Variants in LRRN3 observed in about 807,000 individuals in gnomAD.
The protein encoded by LRRN3 is leucine rich repeat neuronal 3.
In LRRN3, 15 loss-of-function variants were observed where a neutral mutation model predicts 40.1. The ratio of observed to expected loss-of-function variants is 0.37; its 90% CI spans 0.25 to 0.58. The LOEUF is 0.58. LRRN3 is among the 20% of genes least tolerant of loss of function. LRRN3 has a pLI of 0.72. For synonymous variants in LRRN3, 308 were observed against 297.2 expected (o/e 1.04, Z -0.37); for missense variants, 746 against 837.7 (o/e 0.89, Z 1.35).
intron 2 of LRRN3, among the ~76,000 whole-genome samples, chr7:111,110,508 G>A (rs1799077386): frequency 1.3e-5 from 2 of 152,134 alleles, no homozygotes; most frequent in South Asian, 2.1e-4. Flanking sequence ...CAGAAATCAT[G>A]AAAAAGTTTT....
chr7:111,116,069 T>C (rs1016111127), intron 2 of LRRN3, among the ~76,000 whole-genome samples: 1 of 152,192 alleles, frequency 6.6e-6, no homozygotes, highest in African/African-American at 2.4e-5. Flanking sequence ...CAAGATTCTC[T>C]CAAATCTGCC....
chr7:111,120,387 T>A (rs562044617), intron 2 of LRRN3, among the ~76,000 whole-genome samples: 6 of 152,078 alleles, frequency 3.9e-5, no homozygotes, highest in African/African-American at 1.4e-4. Context: ...GCAAAAGACA[T>A]TTCCCCTATA....
In LRRN3 at chr7:111,124,128, T is replaced by C; in HGVS notation, c.1356T>C (p.Pro452=). Residue 452 remains proline, a synonymous_variant, in exon 3 of 3, where the codon CCT becomes CCC. Coordinates refer to ENST00000308478, the MANE Select transcript of LRRN3 (RefSeq NM_001099658.2). ...GTAGAGCTACTGCAGAACCACAGCCTGAAATCTACTGGATAACACCTTCTG... is the reference window on the plus strand; with the variant it reads ...GTAGAGCTACTGCAGAACCACAGCCCGAAATCTACTGGATAACACCTTCTG... ...FHCRATAEPQ[P]EIYWITPSGQ... 1 of 1,614,036 alleles carries C rather than the reference T, an allele frequency of 6.2e-7. No homozygotes were observed. Among genetic ancestry groups the C allele is most frequent in the Non-Finnish European group, 8.5e-7 (1 of 1,179,990 alleles).
At chr7:111,103,043 T>C (rs1339894914) in intron 2 of LRRN3, among the ~76,000 whole-genome samples, 1 of 151,610 alleles carries the variant, frequency 6.6e-6, no homozygotes, top group South Asian at 2.1e-4. Flanking sequence ...CCATTGATCA[T>C]AGTGACTTCA....
In LRRN3 at chr7:111,103,734, A is replaced by G. The variant is rs900574163; in HGVS notation, c.-359+3772A>G. Reference sequence around the variant, plus strand: ...ACCACTCTGTATGTGTCGGGTGCAGAAGAACTTTTTTATACTATGAACTTT... The same window carrying G: ...ACCACTCTGTATGTGTCGGGTGCAGGAGAACTTTTTTATACTATGAACTTT... On this transcript the variant is annotated intron_variant, in intron 2 of 2. Transcript: ENST00000308478. 2.6e-5 allele frequency among the ~76,000 whole-genome samples: 4 copies of G among 151,770 alleles called. No homozygotes were observed. In the South Asian group the frequency reaches 8.3e-4, roughly 31 times the overall value.
intron 2 of LRRN3, among the ~76,000 whole-genome samples, chr7:111,111,192 T>C (rs1799148968): frequency 6.6e-6 from 1 of 152,006 alleles, no homozygotes; most frequent in Non-Finnish European, 1.5e-5. Flanking sequence ...AAGAACTCTT[T>C]TTCTCCATTA....
chr7:111,112,888 CTT>C, intron 2 of LRRN3, among the ~76,000 whole-genome samples: 1 of 152,254 alleles, frequency 6.6e-6, no homozygotes, highest in East Asian at 1.9e-4. Flanking sequence ...AATTTAGTCT[CTT>C]GTTTATTGCA....
At chr7:111,112,933 A>C (rs1799414368) in intron 2 of LRRN3, among the ~76,000 whole-genome samples, 1 of 152,126 alleles carries the variant, frequency 6.6e-6, no homozygotes, top group Non-Finnish European at 1.5e-5. Context: ...GAAGGAGCTA[A>C]TTTTATTTCC....
intron 2 of LRRN3, among the ~76,000 whole-genome samples, chr7:111,115,225 T>C (rs190762396): frequency 4.6e-5 from 7 of 152,308 alleles, no homozygotes; most frequent in East Asian, 1.9e-4. Flanking sequence ...TTATGACATA[T>C]TGTAAATTAG....
At chr7:111,116,265 A>G (rs934960166) in intron 2 of LRRN3, among the ~76,000 whole-genome samples, 4 of 152,208 alleles carry the variant, frequency 2.6e-5, no homozygotes, top group African/African-American at 9.6e-5. Context: ...GGGTAAAAAT[A>G]AAAGTTCTTA....
chr7:111,114,738 CAAA>C (rs567078227), intron 2 of LRRN3, among the ~76,000 whole-genome samples: 3 of 62,588 alleles, frequency 4.8e-5, no homozygotes, highest in Admixed American at 3.7e-4. Context: ...GACTCCATCT[CAAA>C]AAAAAAAAAA....
At chr7:111,109,693 T>A (rs1798965193) in intron 2 of LRRN3, among the ~76,000 whole-genome samples, 1 of 152,132 alleles carries the variant, frequency 6.6e-6, no homozygotes, top group Non-Finnish European at 1.5e-5. Flanking sequence ...CTGACAGGAT[T>A]ATTAGGGGAA....
At chr7:111,103,807 A>G (rs2129580788) in intron 2 of LRRN3, among the ~76,000 whole-genome samples, 1 of 151,752 alleles carries the variant, frequency 6.6e-6, no homozygotes, top group Non-Finnish European at 1.5e-5. Flanking sequence ...TCAAGTAGGT[A>G]CCATTATCAC....
In LRRN3 at chr7:111,124,325, C is replaced by G; in HGVS notation, c.1553C>G (p.Pro518Arg). The change falls in exon 3 of 3, where the codon CCA becomes CGA. Residue 518 changes from proline to arginine, a missense_variant. Coordinates refer to ENST00000308478, the MANE Select transcript of LRRN3 (RefSeq NM_001099658.2). Reference sequence around the variant, plus strand: ...ATGATCAAAGTGGATGGATCTTTTCCACAAGATAACAATGGCTCTTTGAAT... The same window carrying G: ...ATGATCAAAGTGGATGGATCTTTTCGACAAGATAACAATGGCTCTTTGAAT... ...SVMIKVDGSF[P>R]QDNNGSLNIK... 1 of 1,613,602 alleles carries G rather than the reference C, an allele frequency of 6.2e-7. No homozygotes were observed. The highest frequency in any genetic ancestry group is 8.5e-7 in the Non-Finnish European group (1 of 1,179,860).
intron 2 of LRRN3, among the ~76,000 whole-genome samples, chr7:111,103,218 T>C (rs964672354): frequency 4.0e-5 from 6 of 151,626 alleles, no homozygotes; most frequent in Non-Finnish European, 5.9e-5. Flanking sequence ...AAAACCTGTA[T>C]TAGCATTTCT....
At position 111,122,732 on chromosome 7, in the gene LRRN3, A is replaced by C; in HGVS notation, c.-41A>C. ...TGAACTTACTAGCACTGACTGTGGAATCCTTAAGGGCCCATTACATTTCTG... is the reference window on the plus strand; with the variant it reads ...TGAACTTACTAGCACTGACTGTGGACTCCTTAAGGGCCCATTACATTTCTG... On this transcript the variant is annotated 5_prime_UTR_variant, in exon 3 of 3. Coordinates refer to ENST00000308478, the MANE Select transcript of LRRN3 (RefSeq NM_001099658.2). 3 of 1,482,544 alleles carry C rather than the reference A, an allele frequency of 2.0e-6. No homozygotes were observed. The highest frequency in any genetic ancestry group is 1.2e-5 in the South Asian group (1 of 80,776). The allele number at this position is 1,482,544 out of a possible 1,614,324, so 91.8% of individuals were successfully genotyped here.
At chr7:111,114,672 G>A (rs1280437037) in intron 2 of LRRN3, among the ~76,000 whole-genome samples, 2 of 150,882 alleles carry the variant, frequency 1.3e-5, no homozygotes, top group Non-Finnish European at 1.5e-5. Flanking sequence ...GGAGGTGGAG[G>A]GTGCAGTGAG....
chr7:111,123,553 A>T lies in LRRN3; in HGVS notation c.781A>T (p.Asn261Tyr). The T allele has an allele frequency of 6.2e-7, 1 of 1,613,830 alleles. No individual in the cohort carries two copies. The highest frequency in any genetic ancestry group is 8.5e-7 in the Non-Finnish European group (1 of 1,179,898). The change falls in exon 3 of 3, where the codon AAT (asparagine) becomes TAT (tyrosine). Residue 261 changes from asparagine (N) to tyrosine (Y), a missense_variant. Transcript: ENST00000308478. This position sits in a 1 kb window ranked among gnomAD's most constrained non-coding sequence, Gnocchi z 6.4. The stretch of plus-strand genomic sequence containing the variant: ...CCATGTTGCTCTTCAAAAAGTTGTA[A>T]ATCTCAAATTTTTGGATCTAAATAA... ...VPHVALQKVV[N>Y]LKFLDLNKNP...
intron 2 of LRRN3, among the ~76,000 whole-genome samples, chr7:111,121,445 A>G (rs889835271): frequency 1.3e-5 from 2 of 152,222 alleles, no homozygotes; most frequent in African/African-American, 4.8e-5. Flanking sequence ...TTCTCAAAAG[A>G]AGACATTTAT....
Sources: allele counts gnomAD v4.1 joint callset (sites outside exome capture counted in the v4.1 genomes callset), GRCh38; gene constraint gnomAD v4.1.1; non-coding constraint Gnocchi (gnomAD v3.1); transcripts MANE v1.5; gene names NCBI Gene and HGNC (gene_info 2026-07-23, HGNC 2026-07-21).